FSTL4: variants seen among roughly 807,000 people sequenced by gnomAD.
FSTL4 encodes follistatin like 4.
In FSTL4, 28 loss-of-function variants were observed where a neutral mutation model predicts 78.2. The observed-to-expected ratio is 0.36, with a 90% confidence interval of 0.27 to 0.49. The LOEUF is 0.49. Ranked by LOEUF, FSTL4 falls within the 20% of genes least tolerant of loss-of-function variation. FSTL4 has a pLI of 0.98. For synonymous variants in FSTL4, 422 were observed against 440.5 expected (o/e 0.96, Z 0.53); for missense variants, 922 against 1,084.9 (o/e 0.85, Z 2.11).
chr5:133,424,283 G>A (rs1455197259), intron 3 of FSTL4, among the ~76,000 whole-genome samples: 1 of 152,172 alleles, frequency 6.6e-6, no homozygotes, highest in Non-Finnish European at 1.5e-5. Flanking sequence ...CAGTGCAGGA[G>A]GCCAGTTCGG....
chr5:133,236,123 C>T lies in FSTL4; in HGVS notation c.895-2586G>A, dbSNP rs1036586730. ...CGCTGTGGACCTGCTGGCATTTTCC[C>T]TCCAAACTGCCTTCCTGAGCCTTCA... On this transcript the variant is annotated intron_variant, in intron 7 of 15. Coordinates refer to ENST00000265342, the MANE Select transcript of FSTL4 (RefSeq NM_015082.2). The surrounding 1 kb of genome is among the most constrained non-coding windows in gnomAD (Gnocchi z 5.0). 2.0e-5 allele frequency among the ~76,000 whole-genome samples: 3 copies of T among 152,106 alleles called. No individual in the cohort carries two copies. Among genetic ancestry groups the T allele is most frequent in the African/African-American group, 7.2e-5 (3 of 41,440 alleles).
chr5:133,391,778 A>AC (rs374273452), intron 4 of FSTL4, among the ~76,000 whole-genome samples: 21 of 151,578 alleles, frequency 1.4e-4, no homozygotes, highest in Middle Eastern at 6.8e-3. Context: ...TCACTCCCTA[A>AC]CCCCCCGGCC....
the FSTL4 span, among the ~76,000 whole-genome samples, chr5:133,711,939 T>C: frequency 2.4e-4 from 36 of 152,252 alleles, 1 homozygote; most frequent in South Asian, 7.5e-3. Context: ...GTTGGCTTCA[T>C]TTCACAGATG....
At chr5:133,278,219 G>A (rs1232179629) in intron 6 of FSTL4, among the ~76,000 whole-genome samples, 1 of 152,204 alleles carries the variant, frequency 6.6e-6, no homozygotes. Flanking sequence ...GTCTATAGGA[G>A]GGCTAGGCAT....
Position 133,215,116 on chromosome 5 carries a change from C to T in FSTL4, c.1608+2113G>A, listed in dbSNP as rs554873841. ...AATGGTCAGTCCTCAGTCTTCATAACATACACATGCTCATCACAGCACAAC... is the reference window on the plus strand; with the variant it reads ...AATGGTCAGTCCTCAGTCTTCATAATATACACATGCTCATCACAGCACAAC... On this transcript the variant is annotated intron_variant, in intron 13 of 15. Coordinates refer to ENST00000265342, the MANE Select transcript of FSTL4 (RefSeq NM_015082.2). Among the ~76,000 whole-genome samples the T allele has an allele frequency of 2.6e-5, 4 of 152,334 alleles. No individual in the cohort carries two copies. The South Asian group carries it at 6.2e-4, about 24-fold the overall frequency.
chr5:133,310,067 G>A (rs1225384449), intron 6 of FSTL4, among the ~76,000 whole-genome samples: 1 of 152,168 alleles, frequency 6.6e-6, no homozygotes, highest in East Asian at 1.9e-4. Context: ...TCTATTACCA[G>A]AGCTATGGGA....
chr5:133,319,721 C>T (rs1753999779), intron 4 of FSTL4, among the ~76,000 whole-genome samples: 1 of 152,192 alleles, frequency 6.6e-6, no homozygotes, highest in South Asian at 2.1e-4. Context: ...CTTCCCTTTA[C>T]TGAGGGCACT....
intron 4 of FSTL4, among the ~76,000 whole-genome samples, chr5:133,371,102 G>A (rs1031435877): frequency 6.6e-5 from 10 of 152,352 alleles, no homozygotes; most frequent in Non-Finnish European, 1.3e-4. Flanking sequence ...CAGGGCCCAT[G>A]CAGGGATGGG....
At chr5:133,640,931 A>G in the FSTL4 span, among the ~76,000 whole-genome samples, 2 of 152,240 alleles carry the variant, frequency 1.3e-5, no homozygotes, top group Non-Finnish European at 2.9e-5. Flanking sequence ...TACCTTACAC[A>G]AATGGATTAA....
intron 3 of FSTL4, among the ~76,000 whole-genome samples, chr5:133,552,697 A>G (rs558838929): frequency 6.6e-6 from 1 of 152,312 alleles, no homozygotes; most frequent in East Asian, 1.9e-4. Context: ...CAAATATGGA[A>G]CAGAAATCGG....
At chr5:133,677,475 T>C in the FSTL4 span, among the ~76,000 whole-genome samples, 1 of 152,332 alleles carries the variant, frequency 6.6e-6, no homozygotes, top group Non-Finnish European at 1.5e-5. Context: ...CAGAAATGCT[T>C]TGTGCAGAAA....
chr5:133,717,403 T>C, the FSTL4 span, among the ~76,000 whole-genome samples: 1 of 152,256 alleles, frequency 6.6e-6, no homozygotes, highest in African/African-American at 2.4e-5. Context: ...ATTGGTACTA[T>C]TTTGTTTTTT....
At chr5:133,498,750 C>T (rs1190484399) in intron 3 of FSTL4, among the ~76,000 whole-genome samples, 1 of 151,734 alleles carries the variant, frequency 6.6e-6, no homozygotes, top group African/African-American at 2.4e-5. Flanking sequence ...CCTTTTAAGC[C>T]CTTTCCAACT....
the FSTL4 span, among the ~76,000 whole-genome samples, chr5:133,782,187 C>T: frequency 3.6e-4 from 55 of 152,328 alleles, no homozygotes; most frequent in African/African-American, 1.3e-3. Context: ...AAATATTTAG[C>T]CTCACTAATA....
intron 3 of FSTL4, among the ~76,000 whole-genome samples, chr5:133,535,021 A>G (rs997944427): frequency 6.6e-6 from 1 of 152,236 alleles, no homozygotes. Flanking sequence ...GACTTTCAAG[A>G]AGGTAATTAA....
intron 3 of FSTL4, among the ~76,000 whole-genome samples, chr5:133,418,513 G>A (rs1756625846): frequency 6.6e-6 from 1 of 151,754 alleles, no homozygotes; most frequent in Non-Finnish European, 1.5e-5. Flanking sequence ...AAATCGACAA[G>A]CTATTCTAAA....
At chr5:133,655,016 T>C in the FSTL4 span, among the ~76,000 whole-genome samples, 243 of 152,278 alleles carry the variant, frequency 1.6e-3, 2 homozygotes, top group African/African-American at 5.8e-3. Flanking sequence ...GACCAGAATA[T>C]CCAACAGGAT....
At chr5:133,732,599 T>C in the FSTL4 span, among the ~76,000 whole-genome samples, 3 of 152,118 alleles carry the variant, frequency 2.0e-5, no homozygotes, top group Admixed American at 2.0e-4. Flanking sequence ...TGACTACCCC[T>C]TGCACAGCCT....
At chr5:133,381,918 G>A (rs1755584024) in intron 4 of FSTL4, among the ~76,000 whole-genome samples, 1 of 152,228 alleles carries the variant, frequency 6.6e-6, no homozygotes, top group East Asian at 1.9e-4. Flanking sequence ...GTCCTCCAAG[G>A]AGAAAGTTAG....
Sources: gnomAD v4.1 joint callset for allele counts (sites outside exome capture counted in the v4.1 genomes callset) on GRCh38, gnomAD v4.1.1 for gene constraint, Gnocchi (gnomAD v3.1) non-coding constraint, MANE v1.5 for transcripts, NCBI Gene and HGNC (gene_info 2026-07-23, HGNC 2026-07-21) for gene names.